The following ERC1 variants were observed in gnomAD, a reference collection of about 807,000 sequenced individuals.
The protein encoded by ERC1 is ELKS/RAB6-interacting/CAST family member 1, also known as RAB6 interacting protein 2.
ERC1 carries 56 observed loss-of-function variants against 132.0 expected under a neutral mutation model. That is an observed-to-expected ratio of 0.42 (90% CI 0.34 to 0.53). The LOEUF (loss-of-function observed/expected upper bound fraction) is 0.53, where lower values mean the gene tolerates loss of function less well. Ranked by LOEUF, ERC1 falls within the 20% of genes least tolerant of loss-of-function variation. The pLI, the probability that ERC1 is intolerant of heterozygous loss-of-function variation, is 0.03. For missense variants in ERC1, 1,202 were observed against 1,349.9 expected (o/e 0.89, Z 1.72); for synonymous variants, 478 against 476.1 (o/e 1.00, Z -0.05).
intron 18 of ERC1, among the ~76,000 whole-genome samples, chr12:1,455,729 C>T (rs1002422145): frequency 6.6e-6 from 1 of 152,146 alleles, no homozygotes; most frequent in Non-Finnish European, 1.5e-5. Context: ...TGACAAGTCG[C>T]CTTTCCCTTG....
At chr12:1,222,904 A>G (rs559499944) in intron 12 of ERC1, among the ~76,000 whole-genome samples, 1 of 152,344 alleles carries the variant, frequency 6.6e-6, no homozygotes, top group East Asian at 1.9e-4. Context: ...TAATTTTGCT[A>G]GGTGTTTAAG....
At chr12:1,000,839 G>T (rs576925058) in intron 1 of ERC1, among the ~76,000 whole-genome samples, 1 of 152,166 alleles carries the variant, frequency 6.6e-6, no homozygotes, top group Non-Finnish European at 1.5e-5. Context: ...TAATTTTACT[G>T]TAGGAATATA....
chr12:1,073,438 G>A (rs1764564067), intron 2 of ERC1, among the ~76,000 whole-genome samples: 2 of 152,226 alleles, frequency 1.3e-5, no homozygotes, highest in South Asian at 4.1e-4. Flanking sequence ...GATAACCTGA[G>A]GTCAGGAGTT....
intron 3 of ERC1, among the ~76,000 whole-genome samples, chr12:1,097,227 G>A (rs34866178): frequency 0.037 from 5,555 of 152,082 alleles, 205 homozygotes; most frequent in Non-Finnish European, 0.046. Context: ...TTCCTACTTC[G>A]TGTGTATAGA....
intron 17 of ERC1, among the ~76,000 whole-genome samples, chr12:1,433,859 A>G (rs1234994416): frequency 6.6e-6 from 1 of 151,932 alleles, no homozygotes; most frequent in Non-Finnish European, 1.5e-5. Context: ...AGCTATTGCT[A>G]CTGTTAAAGT....
Position 1,183,306 on chromosome 12 carries a change from A to G in ERC1, c.2042A>G (p.His681Arg), listed in dbSNP as rs1954694728. The change falls in exon 11 of 19, where the codon CAT (histidine) becomes CGT (arginine). Residue 681 changes from histidine (H) to arginine (R), a missense_variant. By Grantham distance (29) the His-to-Arg change is conservative. Coordinates refer to ENST00000360905, the MANE Select transcript of ERC1 (RefSeq NM_178040.4). ...GCTTCACTTTTGGATCTGAAAGAGCATGCTTCTTCTCTGGCATCCTCAGGA... is the reference window on the plus strand; with the variant it reads ...GCTTCACTTTTGGATCTGAAAGAGCGTGCTTCTTCTCTGGCATCCTCAGGA... ...KEASLLDLKE[H>R]ASSLASSGLK... 3.2e-6 allele frequency: 5 copies of G among 1,572,676 alleles called. No homozygotes were observed. The highest frequency in any genetic ancestry group is 2.4e-5 in the South Asian group (2 of 83,270).
rs751893831 is a variant in ERC1 at position 1,083,321 on chromosome 12, G to A, written c.827G>A (p.Arg276Gln). The change falls in exon 3 of 19, where the codon CGG becomes CAG. Residue 276 changes from arginine to glutamine, a missense_variant. Coordinates refer to ENST00000360905, the MANE Select transcript of ERC1 (RefSeq NM_178040.4). ...CAGAGGCTTCATGCTGAGCATGAGCGGCAGGCCAAAGAGCTGTTTCTTCTT... is the reference window on the plus strand; with the variant it reads ...CAGAGGCTTCATGCTGAGCATGAGCAGCAGGCCAAAGAGCTGTTTCTTCTT... Reference protein sequence around the residue: ...NFQRLHAEHERQAKELFLLRK... With the variant: ...NFQRLHAEHEQQAKELFLLRK... 11 of 1,614,026 alleles carry A rather than the reference G, an allele frequency of 6.8e-6. No individual in the cohort carries two copies. The highest frequency in any genetic ancestry group is 8.5e-6 in the Non-Finnish European group (10 of 1,180,026).
intron 16 of ERC1, among the ~76,000 whole-genome samples, chr12:1,406,851 G>C (rs1219863579): frequency 6.6e-6 from 1 of 151,984 alleles, no homozygotes; most frequent in Non-Finnish European, 1.5e-5. Context: ...GTACAGCCTG[G>C]GTGACAGAAT....
At chr12:1,205,574 G>A (rs1295629108) in intron 12 of ERC1, among the ~76,000 whole-genome samples, 1 of 152,008 alleles carries the variant, frequency 6.6e-6, no homozygotes, top group Non-Finnish European at 1.5e-5. Context: ...TTTTGAGTAA[G>A]CTGTATTCAT....
intron 17 of ERC1, among the ~76,000 whole-genome samples, chr12:1,427,895 T>C (rs1043476127): frequency 6.6e-6 from 1 of 152,210 alleles, no homozygotes; most frequent in African/African-American, 2.4e-5. Flanking sequence ...GCATTGTAAG[T>C]AATTTGGGGT....
At chr12:1,129,913 G>A (rs1049418853) in intron 7 of ERC1, among the ~76,000 whole-genome samples, 21 of 152,162 alleles carry the variant, frequency 1.4e-4, no homozygotes, top group Middle Eastern at 6.8e-3. Context: ...GTATGGCATA[G>A]ACCTTACAGT....
chr12:1,211,928 A>C (rs77417766), intron 12 of ERC1, among the ~76,000 whole-genome samples: 3,413 of 152,168 alleles, frequency 0.022, 56 homozygotes, highest in East Asian at 0.073. Flanking sequence ...TCTTTACCTT[A>C]TTTAAGGAGG....
intron 15 of ERC1, among the ~76,000 whole-genome samples, chr12:1,305,602 A>G (rs971909481): frequency 2.0e-5 from 3 of 151,988 alleles, no homozygotes; most frequent in African/African-American, 7.3e-5. Context: ...AAAGCTCAAT[A>G]CCTAATTATT....
chr12:1,308,577 T>C (rs2081056821), intron 15 of ERC1, among the ~76,000 whole-genome samples: 6 of 152,180 alleles, frequency 3.9e-5, no homozygotes, highest in Admixed American at 3.9e-4. Context: ...AATAAATACT[T>C]AACAGTTCCT....
chr12:1,402,086 C>A (rs1283879394), intron 16 of ERC1, among the ~76,000 whole-genome samples: 2 of 151,882 alleles, frequency 1.3e-5, no homozygotes, highest in Non-Finnish European at 2.9e-5. Flanking sequence ...ACAGATTTTG[C>A]AAATTAGAAA....
chr12:1,390,507 A>G (rs947425000), intron 16 of ERC1: 1 of 152,212 alleles, frequency 6.6e-6, no homozygotes, highest in Non-Finnish European at 1.5e-5. Context: ...ATTTACTACT[A>G]TTAATCTAAA....
chr12:1,373,774 G>A (rs1231289729), intron 16 of ERC1, among the ~76,000 whole-genome samples: 4 of 151,970 alleles, frequency 2.6e-5, no homozygotes, highest in Admixed American at 6.6e-5. Context: ...ACGAGAGTCC[G>A]TCTCAAAAGA....
chr12:1,202,166 G>A (rs1382450872), intron 12 of ERC1, among the ~76,000 whole-genome samples: 2 of 152,272 alleles, frequency 1.3e-5, no homozygotes, highest in Admixed American at 6.5e-5. Flanking sequence ...AGGAGAGTAA[G>A]TTACAAAGCT....
chr12:1,402,030 C>T (rs2091112446), intron 16 of ERC1, among the ~76,000 whole-genome samples: 1 of 151,708 alleles, frequency 6.6e-6, no homozygotes, highest in South Asian at 2.1e-4. Context: ...TTCAGAAGGA[C>T]CAATATTGCA....
Sources: allele counts gnomAD v4.1 joint callset (sites outside exome capture counted in the v4.1 genomes callset), GRCh38; gene constraint gnomAD v4.1.1; transcripts MANE v1.5; gene names NCBI Gene and HGNC (gene_info 2026-07-23, HGNC 2026-07-21).